The following KLHL1 variants were observed in gnomAD, a reference collection of about 807,000 sequenced individuals.
The protein encoded by KLHL1 is kelch like family member 1, also known as kelch-like protein 1.
KLHL1 carries 47 observed loss-of-function variants against 77.7 expected under a neutral mutation model. The observed-to-expected ratio is 0.60, with a 90% CI of 0.48 to 0.77. The LOEUF (loss-of-function observed/expected upper bound fraction) is 0.77. Among genes scored for constraint, KLHL1 ranks in the 30% least tolerant of loss-of-function variants. The pLI is 0.00. For synonymous variants in KLHL1, 360 were observed against 325.2 expected, an observed-to-expected ratio of 1.11 and a Z score of -1.15; for missense variants, 925 against 910.8, an observed-to-expected ratio of 1.02 and a Z score of -0.20.
At chr13:69,821,014 G>C (rs113502302) in intron 6 of KLHL1, among the ~76,000 whole-genome samples, 2 of 152,312 alleles carry the variant, frequency 1.3e-5, no homozygotes, top group African/African-American at 4.8e-5. Context: ...CCACTGTAGA[G>C]TGAAAGCAGC....
intron 5 of KLHL1, among the ~76,000 whole-genome samples, chr13:69,862,069 G>A (rs974043993): frequency 2.3e-4 from 35 of 151,814 alleles, no homozygotes; most frequent in African/African-American, 8.0e-4. Context: ...TCGTTGTTTA[G>A]TTTTACAAAG....
At chr13:70,035,147 C>T (rs1208390214) in intron 1 of KLHL1, among the ~76,000 whole-genome samples, 1 of 151,926 alleles carries the variant, frequency 6.6e-6, no homozygotes, top group Non-Finnish European at 1.5e-5. Flanking sequence ...TTGTTTATCC[C>T]ATGTTTATTG....
intron 5 of KLHL1, among the ~76,000 whole-genome samples, chr13:69,875,950 A>C (rs1333606026): frequency 6.6e-6 from 1 of 152,150 alleles, no homozygotes; most frequent in Non-Finnish European, 1.5e-5. Context: ...CAGCCAGCAA[A>C]TCAAAGGGGG....
At chr13:69,752,819 G>T (rs765022292) in intron 7 of KLHL1, among the ~76,000 whole-genome samples, 4 of 152,166 alleles carry the variant, frequency 2.6e-5, no homozygotes, top group Non-Finnish European at 4.4e-5. Context: ...AAGCGAATAG[G>T]TATTTTATAA....
chr13:69,995,311 T>TA (rs1454459082), intron 1 of KLHL1, among the ~76,000 whole-genome samples: 6 of 151,586 alleles, frequency 4.0e-5, no homozygotes, highest in South Asian at 2.1e-4. Context: ...ACTCCAGAGG[T>TA]AAAAAAAATT....
At chr13:69,825,784 A>G (rs1395006241) in intron 6 of KLHL1, among the ~76,000 whole-genome samples, 1 of 152,186 alleles carries the variant, frequency 6.6e-6, no homozygotes, top group East Asian at 1.9e-4. Flanking sequence ...ACAGCCCTTG[A>G]TAACTGATGA....
chr13:69,779,396 C>T (rs1876016083), intron 7 of KLHL1, among the ~76,000 whole-genome samples: 1 of 149,692 alleles, frequency 6.7e-6, no homozygotes, highest in African/African-American at 2.5e-5. Context: ...CCCTGTCCTC[C>T]CCTCTTCCCT....
intron 6 of KLHL1, among the ~76,000 whole-genome samples, chr13:69,830,321 T>C (rs1330375588): frequency 6.7e-6 from 1 of 150,040 alleles, no homozygotes; most frequent in East Asian, 1.9e-4. Flanking sequence ...ACAAACAGAC[T>C]TTAAAGCAAT....
At chr13:69,785,039 G>A (rs1341094612) in intron 7 of KLHL1, among the ~76,000 whole-genome samples, 12 of 151,224 alleles carry the variant, frequency 7.9e-5, no homozygotes, top group Admixed American at 2.0e-4. Context: ...ACAGGCGCCC[G>A]CCACTACGCC....
chr13:70,095,948 T>C (rs1384076040), intron 1 of KLHL1, among the ~76,000 whole-genome samples: 1 of 152,094 alleles, frequency 6.6e-6, no homozygotes, highest in Non-Finnish European at 1.5e-5. Flanking sequence ...AAACAATATT[T>C]GTCTTTCTGT....
chr13:69,905,472 C>T (rs1240634217), intron 4 of KLHL1, among the ~76,000 whole-genome samples: 1 of 151,794 alleles, frequency 6.6e-6, no homozygotes, highest in Non-Finnish European at 1.5e-5. Context: ...GACAATTGCC[C>T]CTTTTCATGA....
At chr13:69,941,701 A>C (rs2138303776) in intron 3 of KLHL1, among the ~76,000 whole-genome samples, 1 of 152,136 alleles carries the variant, frequency 6.6e-6, no homozygotes, top group African/African-American at 2.4e-5. Context: ...AGATAAACAA[A>C]ATTCTTAGAT....
chr13:69,801,191 G>T (rs887483288), intron 6 of KLHL1, among the ~76,000 whole-genome samples: 3 of 152,090 alleles, frequency 2.0e-5, no homozygotes. Context: ...GACCACTTTT[G>T]TTAACTGAAG....
chr13:70,069,365 A>G (rs1290496302), intron 1 of KLHL1, among the ~76,000 whole-genome samples: 1 of 152,228 alleles, frequency 6.6e-6, no homozygotes. Context: ...TAGTAAACAC[A>G]TATCAACTCC....
At chr13:70,042,173 A>G (rs992621209) in intron 1 of KLHL1, among the ~76,000 whole-genome samples, 1 of 152,126 alleles carries the variant, frequency 6.6e-6, no homozygotes, top group African/African-American at 2.4e-5. Context: ...AAACCAACAG[A>G]AAGTACCACC....
chr13:69,949,973 G>A lies in KLHL1; in HGVS notation c.818-9737C>T, dbSNP rs185858936. ...TCCTAGTTGTCTTCTAAAAATTACC[G>A]CAAAATGATTTTAGAAAACAGAATA... On this transcript the variant is annotated intron_variant, in intron 3 of 10. Transcript: ENST00000377844. Among the ~76,000 whole-genome samples, 727 of 151,572 alleles carry A rather than the reference G, an allele frequency of 4.8e-3. 22 individuals carry two copies. The highest frequency in any genetic ancestry group is 0.043 in the Admixed American group (653 of 15,148).
At chr13:69,858,189 T>C (rs1182194202) in intron 5 of KLHL1, among the ~76,000 whole-genome samples, 2 of 152,002 alleles carry the variant, frequency 1.3e-5, no homozygotes, top group African/African-American at 2.4e-5. Context: ...GAGAAGAGTA[T>C]GTGGAAGAAA....
intron 1 of KLHL1, among the ~76,000 whole-genome samples, chr13:70,082,465 G>C (rs992557422): frequency 7.2e-5 from 11 of 151,784 alleles, no homozygotes; most frequent in Admixed American, 1.3e-4. Flanking sequence ...TTTCCAAAGG[G>C]GGATGTAGAA....
chr13:69,759,628 G>A (rs542468363), intron 7 of KLHL1, among the ~76,000 whole-genome samples: 1 of 152,274 alleles, frequency 6.6e-6, no homozygotes, highest in South Asian at 2.1e-4. Context: ...CAGATAGTCT[G>A]AATGTGGAAA....
Sources: allele counts gnomAD v4.1 joint callset (sites outside exome capture counted in the v4.1 genomes callset), GRCh38; gene constraint gnomAD v4.1.1; transcripts MANE v1.5; gene names NCBI Gene and HGNC (gene_info 2026-07-23, HGNC 2026-07-21).